NUAK1: variants seen among roughly 807,000 people sequenced by gnomAD.
NUAK1 encodes NUAK family kinase 1, also known as NUAK family SNF1-like kinase 1.
NUAK1 carries 26 observed loss-of-function variants against 56.9 expected under a neutral mutation model. The ratio of observed to expected loss-of-function variants is 0.46; its 90% confidence interval spans 0.33 to 0.63. The LOEUF (loss-of-function observed/expected upper bound fraction) is 0.63. Among genes scored for constraint, NUAK1 ranks in the 30% least tolerant of loss-of-function variants. NUAK1 has a pLI of 0.02. For synonymous variants in NUAK1, 337 were observed against 336.0 expected (o/e 1.00, Z -0.03); for missense variants, 727 against 876.1 (o/e 0.83, Z 2.15).
chr12:106,078,626 AAGTGAAGGCAGGGAGTGGAACAAGG>A (rs1207940525), intron 4 of NUAK1, among the ~76,000 whole-genome samples: 1 of 152,192 alleles, frequency 6.6e-6, no homozygotes, highest in Non-Finnish European at 1.5e-5. Flanking sequence ...AGTTGCCAGG[AAGTGAAGGCAGGGAGTGGAACAAGG>A]AGCAGAAGTG....
In NUAK1 at chr12:106,067,687, C is replaced by T. The variant is rs61732799; in HGVS notation, c.1101G>A (p.Ser367=). 6.7e-4 allele frequency: 1,088 copies of T among 1,614,232 alleles called. 7 individuals are homozygous for T. The African/African-American group carries it at 0.013, about 19-fold the overall frequency. ...TSEVMLERQR[S]LKKSKKENDF... is the part of the protein sequence containing the mutation. ...CATTCTCTTTCTTGGATTTCTTCAG[C>T]GACCGCTGCCGCTCTAGCATGACCT... Residue 367 remains serine, a synonymous_variant, in exon 7 of 7, where the codon TCG becomes TCA. Coordinates refer to ENST00000261402, the MANE Select transcript of NUAK1 (RefSeq NM_014840.3). This position sits in a 1 kb window ranked among gnomAD's most constrained non-coding sequence, Gnocchi z 6.0.
intron 2 of NUAK1, among the ~76,000 whole-genome samples, chr12:106,092,574 T>C (rs2436598): frequency 0.38 from 57,177 of 152,006 alleles, 11,224 homozygotes; most frequent in Non-Finnish European, 0.44. Context: ...TCTACGTTGC[T>C]CAATGTCGTC....
At position 106,138,357 on chromosome 12, in the gene NUAK1, A is replaced by C. The variant is rs889500607; in HGVS notation, c.240+57T>G. On this transcript the variant is annotated intron_variant, in intron 1 of 6. Transcript: ENST00000261402. The surrounding 1 kb of genome is among the most constrained non-coding windows in gnomAD (Gnocchi z 5.0). ...ACAGACCCCCGCCTCGCACGCCCTC[A>C]GTCCCCGGCCGCGTCCACCCAGCGC... is the stretch of plus-strand genomic sequence containing the variant. 26 of 1,540,028 alleles carry C rather than the reference A, an allele frequency of 1.7e-5. No homozygotes were observed. Among genetic ancestry groups the C allele is most frequent in the African/African-American group, 6.9e-5 (5 of 72,556 alleles).
intron 2 of NUAK1, among the ~76,000 whole-genome samples, chr12:106,090,518 G>A (rs2032624832): frequency 6.6e-6 from 1 of 152,168 alleles, no homozygotes; most frequent in South Asian, 2.1e-4. Context: ...TTTTACAGAT[G>A]AGAACACCTG....
chr12:106,070,816 G>A lies in NUAK1; in HGVS notation c.790C>T (p.Gln264Ter). Residue 264 changes from glutamine (Q) to a stop codon, truncating the protein, a stop_gained, in exon 6 of 7, where the codon CAA becomes TAA. Transcript: ENST00000261402. LOFTEE classifies it high-confidence loss of function. ...DGFDHKNLIR[Q>*]ISSGEYREPT... ...TCCCGGTACTCTCCGCTGCTGATTTGCCGAATGAGGTTTTTGTGATCGAAA... is the reference window on the plus strand; with the variant it reads ...TCCCGGTACTCTCCGCTGCTGATTTACCGAATGAGGTTTTTGTGATCGAAA... 6.2e-7 allele frequency: 1 copy of A among 1,614,164 alleles called. No individual in the cohort carries two copies. Among genetic ancestry groups the A allele is most frequent in the Non-Finnish European group, 8.5e-7 (1 of 1,180,030 alleles).
chr12:106,072,930 A>G (rs774137956), intron 4 of NUAK1, 87 bp from the exon 5 acceptor site: 7 of 1,489,568 alleles, frequency 4.7e-6, no homozygotes, highest in Non-Finnish European at 6.4e-6. Context: ...CAGCACACAG[A>G]GTGGATGAAG....
At chr12:106,076,247 A>G (rs751208090) in intron 4 of NUAK1, among the ~76,000 whole-genome samples, 4 of 152,228 alleles carry the variant, frequency 2.6e-5, no homozygotes, top group Non-Finnish European at 2.9e-5. Flanking sequence ...GTTCCAGGGC[A>G]TAAGAAGTTT....
At chr12:106,102,364 A>T (rs2032758484) in intron 2 of NUAK1, among the ~76,000 whole-genome samples, 1 of 152,220 alleles carries the variant, frequency 6.6e-6, no homozygotes. Flanking sequence ...TTCTATGAAG[A>T]TGAAAATGTT....
At chr12:106,137,358 G>A (rs1409701619) in intron 1 of NUAK1, among the ~76,000 whole-genome samples, 1 of 152,174 alleles carries the variant, frequency 6.6e-6, no homozygotes, top group Admixed American at 6.5e-5. Context: ...TGCACACAAG[G>A]AGTCCCATAA....
At chr12:106,119,800 A>C (rs143491072) in intron 1 of NUAK1, among the ~76,000 whole-genome samples, 1 of 152,222 alleles carries the variant, frequency 6.6e-6, no homozygotes, top group African/African-American at 2.4e-5. Context: ...TCCAAAACAC[A>C]GTACAGAGGA....
At chr12:106,132,291 G>A (rs1199688373) in intron 1 of NUAK1, among the ~76,000 whole-genome samples, 6 of 152,152 alleles carry the variant, frequency 3.9e-5, no homozygotes, top group Non-Finnish European at 7.3e-5. Context: ...GAAAGATAAC[G>A]TACAACTTCG....
rs1226096586 is a variant in NUAK1, at chr12:106,138,473, G to C, written c.181C>G (p.Leu61Val). 6.2e-7 allele frequency: 1 copy of C among 1,613,488 alleles called. No homozygotes were observed. Among genetic ancestry groups the C allele is most frequent in the Admixed American group, 1.7e-5 (1 of 60,006 alleles). ...ACTTTGCCGTAGGTGCCTTTGCCCA[G>C]GGTCTCCTGCAGCTCGTAGCGGTGC... ...LKHRYELQET[L>V]GKGTYGKVKR... The change falls in exon 1 of 7, where the codon CTG becomes GTG. Residue 61 changes from leucine to valine, a missense_variant. Coordinates refer to ENST00000261402, the MANE Select transcript of NUAK1 (RefSeq NM_014840.3). The surrounding 1 kb of genome is among the most constrained non-coding windows in gnomAD (Gnocchi z 5.0).
At chr12:106,095,785 G>T (rs1157735908) in intron 2 of NUAK1, among the ~76,000 whole-genome samples, 1 of 152,168 alleles carries the variant, frequency 6.6e-6, no homozygotes, top group Non-Finnish European at 1.5e-5. Context: ...GACATCAGAG[G>T]ATTTGAGTGA....
chr12:106,130,162 A>G (rs2033062822), intron 1 of NUAK1, among the ~76,000 whole-genome samples: 1 of 152,112 alleles, frequency 6.6e-6, no homozygotes, highest in Non-Finnish European at 1.5e-5. Flanking sequence ...TTGTACTTTT[A>G]GTAGAGACGG....
At chr12:106,127,851 C>T (rs1266346814) in intron 1 of NUAK1, among the ~76,000 whole-genome samples, 1 of 152,112 alleles carries the variant, frequency 6.6e-6, no homozygotes, top group Non-Finnish European at 1.5e-5. Context: ...CACAGCAGCA[C>T]CTACTGTGTG....
At chr12:106,125,655 A>G (rs544071836) in intron 1 of NUAK1, among the ~76,000 whole-genome samples, 1 of 152,190 alleles carries the variant, frequency 6.6e-6, no homozygotes, top group Non-Finnish European at 1.5e-5. Context: ...CTTCCTACAC[A>G]ACCAAATAAG....
At position 106,100,731 on chromosome 12, in the gene NUAK1, A is replaced by G. The variant is rs533629438; in HGVS notation, c.361+5674T>C. On this transcript the variant is annotated intron_variant, in intron 2 of 6. Coordinates refer to ENST00000261402, the MANE Select transcript of NUAK1 (RefSeq NM_014840.3). ...ATATCACCGGTTAGTACAGCTCAAG[A>G]TGATGGCTTCCTTTCATTAAAACCC... 2.6e-5 allele frequency among the ~76,000 whole-genome samples: 4 copies of G among 152,362 alleles called. No individual in the cohort carries two copies. In the East Asian group the frequency reaches 7.7e-4, roughly 29 times the overall value.
intron 6 of NUAK1, among the ~76,000 whole-genome samples, chr12:106,069,505 T>A (rs1250940961): frequency 6.6e-6 from 1 of 152,182 alleles, no homozygotes; most frequent in Non-Finnish European, 1.5e-5. Context: ...GTGTCTTAGA[T>A]CAGTTTTGTT....
At chr12:106,094,051 C>G (rs1437167086) in intron 2 of NUAK1, among the ~76,000 whole-genome samples, 2 of 152,064 alleles carry the variant, frequency 1.3e-5, no homozygotes, top group African/African-American at 4.8e-5. Flanking sequence ...TCAAGCCATC[C>G]GCCCACCTCA....
Sources: allele counts gnomAD v4.1 joint callset (sites outside exome capture counted in the v4.1 genomes callset), GRCh38; gene constraint gnomAD v4.1.1; non-coding constraint Gnocchi (gnomAD v3.1); transcripts MANE v1.5; gene names NCBI Gene and HGNC (gene_info 2026-07-23, HGNC 2026-07-21).